Variants in TASP1 observed in about 807,000 individuals in gnomAD.
TASP1 encodes taspase 1, also known as threonine aspartase 1.
TASP1 carries 16 observed loss-of-function variants against 56.6 expected under a neutral mutation model. The observed-to-expected ratio is 0.28, with a 90% confidence interval of 0.19 to 0.43. The LOEUF (loss-of-function observed/expected upper bound fraction) is 0.43, where lower values mean the gene tolerates loss of function less well. Among genes scored for constraint, TASP1 ranks in the 20% least tolerant of loss-of-function variants. The pLI, the probability that TASP1 is intolerant of heterozygous loss-of-function variation, is 1.00. For missense variants in TASP1, 393 were observed against 511.6 expected (o/e 0.77, Z 2.24); for synonymous variants, 179 against 184.2 (o/e 0.97, Z 0.23).
intron 4 of TASP1, among the ~76,000 whole-genome samples, chr20:13,599,444 G>A (rs776416166): frequency 3.3e-5 from 5 of 152,082 alleles, no homozygotes; most frequent in Non-Finnish European, 7.4e-5. Context: ...ACCAAACACC[G>A]CATGTTCTCA....
rs142741363 is a variant in TASP1 at position 13,571,783 on chromosome 20, C to G, written c.489-2197G>C. ...AAGCTCCCATGGAATCTGATCCTTA[C>G]CGCTCCCCAGTTCATCTCTTATTGC... On this transcript the variant is annotated intron_variant, in intron 6 of 13. Transcript: ENST00000337743. Among the ~76,000 whole-genome samples, 769 of 152,282 alleles carry G rather than the reference C, an allele frequency of 5.0e-3. 3 individuals are homozygous for G. The highest frequency in any genetic ancestry group is 7.9e-3 in the Non-Finnish European group (538 of 68,022).
At chr20:13,337,363 C>T in the TASP1 span, among the ~76,000 whole-genome samples, 1 of 152,126 alleles carries the variant, frequency 6.6e-6, no homozygotes, top group Admixed American at 6.5e-5. Context: ...TAGACCTTGC[C>T]CTTTGAAGTA....
chr20:13,563,098 G>A (rs953160546), intron 7 of TASP1, among the ~76,000 whole-genome samples: 4 of 149,724 alleles, frequency 2.7e-5, no homozygotes, highest in African/African-American at 9.8e-5. Context: ...TAATTTTTTT[G>A]AGACAATGTA....
At chr20:13,178,545 A>G in the TASP1 span, among the ~76,000 whole-genome samples, 11 of 152,198 alleles carry the variant, frequency 7.2e-5, no homozygotes. Context: ...GTATATATAC[A>G]CAATGGAATA....
chr20:13,360,466 A>G, the TASP1 span, among the ~76,000 whole-genome samples: 1 of 152,058 alleles, frequency 6.6e-6, no homozygotes, highest in Admixed American at 6.6e-5. Flanking sequence ...CTACAAAACA[A>G]CAACTCCTTT....
rs749032971 is a variant in TASP1 at position 13,580,879 on chromosome 20, G to A, written c.488+18C>T. ...ATGCACTAAAGACAGGGAAAGTCAG[G>A]AAGAACAAAGTGGTTACCAGGGAGG... On this transcript the variant is annotated intron_variant, in intron 6 of 13. Transcript: ENST00000337743. The A allele has an allele frequency of 8.1e-5, 131 of 1,612,316 alleles. No homozygotes were observed. The highest frequency in any genetic ancestry group is 1.1e-4 in the Non-Finnish European group (128 of 1,178,996).
the TASP1 span, among the ~76,000 whole-genome samples, chr20:13,316,362 T>C: frequency 2.0e-5 from 3 of 152,038 alleles, no homozygotes; most frequent in Middle Eastern, 3.4e-3. Flanking sequence ...ATACCAAACA[T>C]TTTAAAAAGA....
chr20:13,312,886 A>C, the TASP1 span, among the ~76,000 whole-genome samples: 1 of 151,854 alleles, frequency 6.6e-6, no homozygotes, highest in Non-Finnish European at 1.5e-5. Flanking sequence ...TCTTTTCCCC[A>C]CTTTTTATTC....
At chr20:13,131,106 G>A in the TASP1 span, among the ~76,000 whole-genome samples, 3 of 140,626 alleles carry the variant, frequency 2.1e-5, no homozygotes, top group Non-Finnish European at 4.6e-5. Context: ...TCAGGAAGGT[G>A]AGCCCCAAAC....
the TASP1 span, among the ~76,000 whole-genome samples, chr20:13,127,517 G>A: frequency 8.5e-5 from 13 of 152,288 alleles, no homozygotes; most frequent in East Asian, 1.7e-3. Flanking sequence ...CTTCAAGCCT[G>A]CTATTTCAGT....
chr20:13,450,576 TC>T (rs1568818258), intron 11 of TASP1, among the ~76,000 whole-genome samples: 1 of 152,058 alleles, frequency 6.6e-6, no homozygotes, highest in Non-Finnish European at 1.5e-5. Flanking sequence ...TCTTTGCTCA[TC>T]CACAGAAGCA....
the TASP1 span, among the ~76,000 whole-genome samples, chr20:13,313,893 G>A: frequency 6.6e-6 from 1 of 152,152 alleles, no homozygotes; most frequent in African/African-American, 2.4e-5. Context: ...TTGGCAACAT[G>A]CAAAAATAAA....
chr20:13,160,028 A>G, the TASP1 span: 1 of 1,612,842 alleles, frequency 6.2e-7, no homozygotes, highest in Non-Finnish European at 8.5e-7. Flanking sequence ...TATGCTAGAG[A>G]AAAAAATTGG....
the TASP1 span, among the ~76,000 whole-genome samples, chr20:13,320,341 G>A: frequency 2.8e-3 from 434 of 152,282 alleles, 1 homozygote; most frequent in African/African-American, 1.0e-2. Context: ...TACTAGAGGA[G>A]GGATGTTAAC....
At chr20:13,311,172 C>T in the TASP1 span, among the ~76,000 whole-genome samples, 1 of 150,276 alleles carries the variant, frequency 6.7e-6, no homozygotes, top group East Asian at 1.9e-4. Flanking sequence ...CCAGCCTGGG[C>T]AACAAGAGTG....
the TASP1 span, among the ~76,000 whole-genome samples, chr20:13,222,117 C>A: frequency 6.6e-6 from 1 of 152,150 alleles, no homozygotes; most frequent in African/African-American, 2.4e-5. Flanking sequence ...CACCCGGCTT[C>A]CAGGTCTGCG....
At chr20:13,163,926 T>C in the TASP1 span, among the ~76,000 whole-genome samples, 1 of 152,182 alleles carries the variant, frequency 6.6e-6, no homozygotes, top group African/African-American at 2.4e-5. Context: ...TAATATACTT[T>C]AAGTTTTAGG....
intron 7 of TASP1, among the ~76,000 whole-genome samples, chr20:13,560,353 T>C (rs1444444262): frequency 2.6e-5 from 4 of 152,182 alleles, no homozygotes; most frequent in African/African-American, 4.8e-5. Flanking sequence ...AAAGGTATTA[T>C]TGCACTGTGA....
the TASP1 span, among the ~76,000 whole-genome samples, chr20:13,121,306 G>T: frequency 6.6e-6 from 1 of 152,156 alleles, no homozygotes; most frequent in Non-Finnish European, 1.5e-5. Context: ...CAAATTTGGG[G>T]TGAGCATTAG....
Sources: gnomAD v4.1 joint callset for allele counts (sites outside exome capture counted in the v4.1 genomes callset) on GRCh38, gnomAD v4.1.1 for gene constraint, MANE v1.5 for transcripts, NCBI Gene and HGNC (gene_info 2026-07-23, HGNC 2026-07-21) for gene names.